The following KCNQ5 variants were observed in gnomAD, a reference collection of about 807,000 sequenced individuals.
KCNQ5 encodes potassium voltage-gated channel subfamily Q member 5.
In KCNQ5, 30 loss-of-function variants were observed where a neutral mutation model predicts 98.2. The observed-to-expected ratio is 0.31, with a 90% CI of 0.23 to 0.41. The LOEUF (loss-of-function observed/expected upper bound fraction) is 0.41. Ranked by LOEUF, KCNQ5 falls within the 10% of genes least tolerant of loss-of-function variation. The pLI is 1.00. For synonymous variants in KCNQ5, 458 were observed against 449.4 expected (o/e 1.02, Z -0.24); for missense variants, 835 against 1,182.5 (o/e 0.71, Z 4.31).
chr6:73,137,193 T>C (rs1776508667), intron 10 of KCNQ5, among the ~76,000 whole-genome samples: 1 of 152,236 alleles, frequency 6.6e-6, no homozygotes, highest in Non-Finnish European at 1.5e-5. Context: ...GTTTTCATAA[T>C]TTAATGACTC....
intron 3 of KCNQ5, among the ~76,000 whole-genome samples, chr6:73,075,356 G>T (rs111231146): frequency 2.6e-5 from 4 of 151,804 alleles, no homozygotes; most frequent in African/African-American, 4.8e-5. Flanking sequence ...CCAAGTAGCT[G>T]GGATTACAGG....
chr6:73,169,775 T>C lies in KCNQ5; in HGVS notation c.1498T>C (p.Tyr500His). 4 of 1,613,780 alleles carry C rather than the reference T, an allele frequency of 2.5e-6. No homozygotes were observed. The highest frequency in any genetic ancestry group is 2.5e-6 in the Non-Finnish European group (3 of 1,179,662). The change falls in exon 11 of 14, where the codon TAT (tyrosine) becomes CAT (histidine). Residue 500 changes from tyrosine to histidine, a missense_variant. By Grantham distance (83) the Tyr-to-His change is moderately conservative. Around this residue, in one of 10 missense-constraint regions of KCNQ5, gnomAD observed 146 missense variants for 256.7 expected, o/e 0.57. Coordinates refer to ENST00000370398, the MANE Select transcript of KCNQ5 (RefSeq NM_019842.4). ...ADTALGTDDV[Y>H]DEKGCQCDVS... ...CACAGCCCTTGGCACTGATGATGTATATGATGAAAAAGGATGCCAGTGTGA... is the reference window on the plus strand; with the variant it reads ...CACAGCCCTTGGCACTGATGATGTACATGATGAAAAAGGATGCCAGTGTGA...
chr6:72,859,727 A>G (rs933228278), intron 1 of KCNQ5, among the ~76,000 whole-genome samples: 6 of 151,956 alleles, frequency 3.9e-5, no homozygotes, highest in African/African-American at 1.5e-4. Context: ...GACTACAGGC[A>G]TGCACCACCA....
At chr6:72,755,637 T>C (rs1360432362) in intron 1 of KCNQ5, among the ~76,000 whole-genome samples, 1 of 152,146 alleles carries the variant, frequency 6.6e-6, no homozygotes, top group Non-Finnish European at 1.5e-5. Context: ...ATTTACTCCT[T>C]TCCATTCTTT....
chr6:73,067,898 AT>A (rs1562159132), intron 3 of KCNQ5, among the ~76,000 whole-genome samples: 11 of 470 alleles, frequency 0.023, no homozygotes, highest in Admixed American at 0.05. Flanking sequence ...ATATATATAT[AT>A]ATATATAACT....
intron 5 of KCNQ5, among the ~76,000 whole-genome samples, chr6:73,085,256 G>T (rs6900769): frequency 5.9e-5 from 9 of 151,974 alleles, no homozygotes; most frequent in Non-Finnish European, 1.0e-4. Flanking sequence ...TTTATGTCTG[G>T]TGCTATCTTT....
chr6:72,623,060 T>C (rs957169141), intron 1 of KCNQ5, among the ~76,000 whole-genome samples: 16 of 151,730 alleles, frequency 1.1e-4, no homozygotes, highest in African/African-American at 3.4e-4. Context: ...AGGTCCTCAG[T>C]CCTAGGGGCG....
At chr6:73,153,037 G>A (rs1374087045) in intron 10 of KCNQ5, among the ~76,000 whole-genome samples, 3 of 152,146 alleles carry the variant, frequency 2.0e-5, no homozygotes, top group South Asian at 2.1e-4. Flanking sequence ...TGCTGGAATA[G>A]GAGAGGACCA....
intron 1 of KCNQ5, among the ~76,000 whole-genome samples, chr6:72,674,492 C>T (rs1219041928): frequency 1.3e-5 from 2 of 151,920 alleles, no homozygotes; most frequent in Admixed American, 1.3e-4. Context: ...AAAAAGAGAC[C>T]GGGTATGGCG....
At chr6:72,882,872 C>T (rs187022647) in intron 1 of KCNQ5, among the ~76,000 whole-genome samples, 74 of 152,214 alleles carry the variant, frequency 4.9e-4, no homozygotes, top group African/African-American at 6.3e-4. Context: ...CAAGAGTGTA[C>T]GCGTGCATCA....
At chr6:72,996,143 T>C (rs188627846) in intron 1 of KCNQ5, among the ~76,000 whole-genome samples, 7 of 152,340 alleles carry the variant, frequency 4.6e-5, no homozygotes, top group Admixed American at 3.3e-4. Context: ...ATTGATATAA[T>C]ACAGTGAAAG....
At chr6:73,032,034 A>G (rs1221922402) in intron 2 of KCNQ5, among the ~76,000 whole-genome samples, 1 of 152,200 alleles carries the variant, frequency 6.6e-6, no homozygotes, top group East Asian at 1.9e-4. Flanking sequence ...TGGAAGCCGT[A>G]CTATCTCTTA....
At chr6:72,889,378 A>G (rs188893329) in intron 1 of KCNQ5, among the ~76,000 whole-genome samples, 4 of 152,342 alleles carry the variant, frequency 2.6e-5, no homozygotes, top group Admixed American at 2.6e-4. Flanking sequence ...GAGCTACTCA[A>G]CAGCATATAA....
chr6:73,008,093 T>C (rs1000451182), intron 2 of KCNQ5, among the ~76,000 whole-genome samples: 2 of 149,142 alleles, frequency 1.3e-5, no homozygotes, highest in Non-Finnish European at 3.0e-5. Flanking sequence ...ACAAAGAAAA[T>C]AGCTATAGAA....
intron 2 of KCNQ5, among the ~76,000 whole-genome samples, chr6:73,006,817 T>A (rs979854463): frequency 6.6e-6 from 1 of 152,204 alleles, no homozygotes; most frequent in Non-Finnish European, 1.5e-5. Context: ...ATAACTTCCA[T>A]CCCTTTTGGT....
chr6:73,174,404 G>C (rs1019947513), intron 11 of KCNQ5, among the ~76,000 whole-genome samples: 8 of 152,166 alleles, frequency 5.3e-5, no homozygotes, highest in African/African-American at 1.7e-4. Context: ...GAAGAGAAAT[G>C]ACCAAGACGC....
Position 73,193,836 on chromosome 6 carries a change from C to CTTTTTT in KCNQ5, c.1837-602_1837-597dup, listed in dbSNP as rs71540369. Among the ~76,000 whole-genome samples the CTTTTTT allele has an allele frequency of 5.5e-4, 68 of 124,556 alleles. 1 individual carries two copies. Among genetic ancestry groups the CTTTTTT allele is most frequent in the African/African-American group, 1.8e-3 (62 of 33,670 alleles). The allele number at this position is 124,556 out of a possible 152,430, so 81.7% of individuals were successfully genotyped here. ...AGACAATCTGACAGGAATGGGAAGT[C>CTTTTTT]TTTTTTTTTTTTTTTTTTTCAGACA... On this transcript the variant is annotated intron_variant, in intron 13 of 13. Transcript: ENST00000370398.
chr6:72,838,949 C>CAAAAAAAAAAAA (rs67894922), intron 1 of KCNQ5, among the ~76,000 whole-genome samples: 2 of 58,708 alleles, frequency 3.4e-5, no homozygotes, highest in Non-Finnish European at 6.5e-5. Context: ...GACTCCGTCT[C>CAAAAAAAAAAAA]AAAAAAAAAA....
rs769581529 is a variant in KCNQ5 at position 72,963,963 on chromosome 6, TA to T, written c.399-39944del. ...GCCAACTCACTCAGTCCACAGATTT[TA>T]TTTTTAAGATGGTGAGCTTCGTATA... On this transcript the variant is annotated intron_variant, in intron 1 of 13. Coordinates refer to ENST00000370398, the MANE Select transcript of KCNQ5 (RefSeq NM_019842.4). Among the ~76,000 whole-genome samples, 172 of 152,342 alleles carry T rather than the reference TA, an allele frequency of 1.1e-3. 1 individual carries two copies. Among genetic ancestry groups the T allele is most frequent in the Non-Finnish European group, 2.2e-3 (147 of 68,036 alleles).
Sources: allele counts gnomAD v4.1 joint callset (sites outside exome capture counted in the v4.1 genomes callset), GRCh38; gene constraint gnomAD v4.1.1; regional missense constraint gnomAD v4.1.1; transcripts MANE v1.5; gene names NCBI Gene and HGNC (gene_info 2026-07-23, HGNC 2026-07-21).